Variants in NLRC4 observed in about 807,000 individuals in gnomAD.
The protein encoded by NLRC4 is NLR family CARD domain containing 4.
In NLRC4, 63 loss-of-function variants were observed where a neutral mutation model predicts 79.9. The ratio of observed to expected loss-of-function variants is 0.79; its 90% CI spans 0.64 to 0.97. NLRC4 has a LOEUF of 0.97. Ranked by LOEUF, NLRC4 falls within the 50% of genes least tolerant of loss-of-function variation. NLRC4 has a pLI of 0.00. For missense variants in NLRC4, 1,074 were observed against 1,215.2 expected, an observed-to-expected ratio of 0.88 and a Z score of 1.73; for synonymous variants, 461 against 456.5, an observed-to-expected ratio of 1.01 and a Z score of -0.12.
At chr2:32,247,858 T>A (rs886253793) in intron 4 of NLRC4, among the ~76,000 whole-genome samples, 31 of 152,240 alleles carry the variant, frequency 2.0e-4, no homozygotes, top group Admixed American at 3.9e-4. Flanking sequence ...ATCATGTCTT[T>A]TGCAGCAACA....
In NLRC4 at chr2:32,224,537, C is replaced by T; in HGVS notation, c.3011G>A (p.Gly1004Glu). ...LTFLQEARLV[G>E]WQFDDDDLSV... ...GAGATCATCATCATCAAATTGCCAC[C>T]CAACAAGCCTAGCTTCTTGCAGAAA... Residue 1004 changes from glycine (G) to glutamate (E), a missense_variant, in exon 9 of 9, where the codon GGG (glycine) becomes GAG (glutamate). Physicochemically the swap from Gly to Glu is moderately conservative, Grantham distance 98. Transcript: ENST00000402280. 1 of 1,613,408 alleles carries T rather than the reference C, an allele frequency of 6.2e-7. No homozygotes were observed. The highest frequency in any genetic ancestry group is 8.5e-7 in the Non-Finnish European group (1 of 1,179,704).
chr2:32,240,401 CAAA>C (rs36105309), intron 5 of NLRC4, among the ~76,000 whole-genome samples: 27 of 118,154 alleles, frequency 2.3e-4, no homozygotes, highest in African/African-American at 2.5e-4. Flanking sequence ...AAAAAAGAGC[CAAA>C]AAAAAAAAAA....
At chr2:32,257,159 G>A (rs547142976) in intron 1 of NLRC4, among the ~76,000 whole-genome samples, 3 of 152,202 alleles carry the variant, frequency 2.0e-5, no homozygotes, top group Non-Finnish European at 4.4e-5. Context: ...AGCCAAGAAG[G>A]CAACATGGAA....
chr2:32,234,627 G>A (rs955575505), intron 8 of NLRC4, among the ~76,000 whole-genome samples: 3 of 152,190 alleles, frequency 2.0e-5, no homozygotes, highest in Non-Finnish European at 2.9e-5. Flanking sequence ...GACCAGAAAT[G>A]AGTGGGCTGC....
At chr2:32,261,329 T>TTTTTTTTTTTTTTTTTTTTTTG (rs1230263597) in intron 1 of NLRC4, among the ~76,000 whole-genome samples, 1 of 119,206 alleles carries the variant, frequency 8.4e-6, no homozygotes, top group Admixed American at 9.0e-5. Context: ...TTGTTTTTTT[T>TTTTTTTTTTTTTTTTTTTTTTG]TGAGATGGAG....
chr2:32,242,934 G>C (rs574137851), intron 4 of NLRC4, among the ~76,000 whole-genome samples: 5 of 152,026 alleles, frequency 3.3e-5, no homozygotes, highest in Admixed American at 2.6e-4. Flanking sequence ...AGTAGTCCTG[G>C]CTACTCAGGA....
intron 8 of NLRC4, among the ~76,000 whole-genome samples, chr2:32,230,471 ATT>A (rs58666767): frequency 1.5e-4 from 19 of 126,586 alleles, no homozygotes; most frequent in Admixed American, 2.5e-4. Flanking sequence ...AGCCCCCGCT[ATT>A]TTTTTTTTTT....
chr2:32,251,705 G>T, intron 3 of NLRC4, 104 bp from the exon 4 acceptor site: 1 of 757,688 alleles, frequency 1.3e-6, no homozygotes. Context: ...ATCTGCCATT[G>T]GTGAATGTAA....
At position 32,235,318 on chromosome 2, in the gene NLRC4, A is replaced by T. The variant is rs1026215039; in HGVS notation, c.2782+83T>A. ...AAAAAAAGAGGAAGCAAAATAAAAT[A>T]AGGGGGCAAAATAAGCAAAGCCAAC... On this transcript the variant is annotated intron_variant, in intron 8 of 8. Coordinates refer to ENST00000402280, the MANE Select transcript of NLRC4 (RefSeq NM_001199138.2). 1.3e-5 allele frequency: 12 copies of T among 940,846 alleles called. No individual in the cohort carries two copies. The African/African-American group carries it at 2.0e-4, about 16-fold the overall frequency. 58.3% of individuals were successfully genotyped at this position (940,846 alleles called of 1,614,324 possible).
chr2:32,224,847 A>G, intron 8 of NLRC4, 82 bp from the exon 9 acceptor site: 4 of 841,370 alleles, frequency 4.8e-6, no homozygotes, highest in South Asian at 4.1e-5. Flanking sequence ...TTTATTTTAC[A>G]TACTTTTTTT....
chr2:32,252,100 T>C (rs1392807818), intron 3 of NLRC4, among the ~76,000 whole-genome samples: 1 of 152,216 alleles, frequency 6.6e-6, no homozygotes, highest in Non-Finnish European at 1.5e-5. Context: ...TAGGTAGATC[T>C]CATCCAACCA....
chr2:32,247,105 C>T lies in NLRC4; in HGVS notation c.2257+2502G>A, dbSNP rs77147423. 1.1e-4 allele frequency among the ~76,000 whole-genome samples: 17 copies of T among 152,124 alleles called. 1 individual carries two copies. The highest frequency in any genetic ancestry group is 9.2e-4 in the Admixed American group (14 of 15,264). On this transcript the variant is annotated intron_variant, in intron 4 of 8. Transcript: ENST00000402280. ...GGGTGGGAACGGAGCTGAGTATCTTCTACAATTTCCCAGATGAGAATCTTG... is the reference window on the plus strand; with the variant it reads ...GGGTGGGAACGGAGCTGAGTATCTTTTACAATTTCCCAGATGAGAATCTTG...
intron 2 of NLRC4, among the ~76,000 whole-genome samples, chr2:32,255,270 C>T (rs1687179090): frequency 6.6e-6 from 1 of 152,104 alleles, no homozygotes; most frequent in African/African-American, 2.4e-5. Flanking sequence ...CCTGTAATCC[C>T]AGCACTTTGG....
intron 5 of NLRC4, 51 bp downstream of exon 5, chr2:32,240,982 C>A: frequency 8.8e-7 from 1 of 1,142,026 alleles, no homozygotes; most frequent in African/African-American, 1.5e-5. Flanking sequence ...GAAGTTAACT[C>A]CTCTTATTAT....
Position 32,251,544 on chromosome 2 carries a change from T to C in NLRC4, c.320A>G (p.Asp107Gly). The change falls in exon 4 of 9, where the codon GAC becomes GGC. Residue 107 changes from aspartate (D) to glycine (G), a missense_variant. Transcript: ENST00000402280. ...DLDDLAQDLK[D>G]LYHTPSFLNF... ...CAGAAAAGATGGGGTATGGTACAAGTCCTTTAAATCCTGAGCCAAATCGTC... is the reference window on the plus strand; with the variant it reads ...CAGAAAAGATGGGGTATGGTACAAGCCCTTTAAATCCTGAGCCAAATCGTC... The C allele has an allele frequency of 1.2e-6, 2 of 1,612,750 alleles. No individual in the cohort carries two copies. The highest frequency in any genetic ancestry group is 1.7e-6 in the Non-Finnish European group (2 of 1,179,420).
In NLRC4 at chr2:32,233,149, G is replaced by GAAGGA. The variant is rs1686581248; in HGVS notation, c.2782+2247_2782+2251dup. Among the ~76,000 whole-genome samples the GAAGGA allele has an allele frequency of 8.0e-5, 3 of 37,422 alleles. No individual in the cohort carries two copies. In the East Asian group the frequency reaches 2.2e-3, roughly 28 times the overall value. 24.6% of individuals were successfully genotyped at this position (37,422 alleles called of 152,430 possible). On this transcript the variant is annotated intron_variant, in intron 8 of 8. Coordinates refer to ENST00000402280, the MANE Select transcript of NLRC4 (RefSeq NM_001199138.2). Reference sequence around the variant, plus strand: ...GTGGGGGAGGGAGGAAGGAAGGAAGGAAGGAAGGAAGGAAGGAAGGAAGGA... The same window carrying GAAGGA: ...GTGGGGGAGGGAGGAAGGAAGGAAGGAAGGAAAGGAAGGAAGGAAGGAAGGAAGGA...
Position 32,256,083 on chromosome 2 carries a change from TCTCCTTGTATGTAGACCATCATA to T in NLRC4, c.1+669_1+691del, listed in dbSNP as rs1335273272. ...TAAGATATTATTTTACTATGTTATA[TCTCCTTGTATGTAGACCATCATA>T]CTCCTTCCTTATCAAGTAATTAGGT... On this transcript the variant is annotated intron_variant, in intron 2 of 8. Coordinates refer to ENST00000402280, the MANE Select transcript of NLRC4 (RefSeq NM_001199138.2). Among the ~76,000 whole-genome samples, 13 of 152,250 alleles carry T rather than the reference TCTCCTTGTATGTAGACCATCATA, an allele frequency of 8.5e-5. No homozygotes were observed. In the East Asian group the frequency reaches 2.5e-3, roughly 29 times the overall value.
intron 8 of NLRC4, 109 bp from the exon 9 acceptor site, chr2:32,224,874 A>C: frequency 1.5e-6 from 1 of 645,666 alleles, no homozygotes; most frequent in Non-Finnish European, 2.6e-6. Flanking sequence ...TGAAATGGCC[A>C]TGTTTGAACC....
Position 32,240,759 on chromosome 2 carries a change from A to G in NLRC4, c.2350+274T>C, listed in dbSNP as rs1463780088. ...TTAAAATATTGTTTCTATGCATTAAATAAAAACATAGCCAATGAGCCAGGG... is the reference window on the plus strand; with the variant it reads ...TTAAAATATTGTTTCTATGCATTAAGTAAAAACATAGCCAATGAGCCAGGG... On this transcript the variant is annotated intron_variant, in intron 5 of 8. Transcript: ENST00000402280. 1.3e-5 allele frequency among the ~76,000 whole-genome samples: 2 copies of G among 152,224 alleles called. 1 individual carries two copies. The highest frequency in any genetic ancestry group is 4.8e-5 in the African/African-American group (2 of 41,458).
Sources: gnomAD v4.1 joint callset for allele counts (sites outside exome capture counted in the v4.1 genomes callset) on GRCh38, gnomAD v4.1.1 for gene constraint, MANE v1.5 for transcripts, NCBI Gene and HGNC (gene_info 2026-07-23, HGNC 2026-07-21) for gene names.